Variants in YTHDC2 observed in about 807,000 individuals in gnomAD.
YTHDC2 encodes 3'-5' RNA helicase YTHDC2.
In YTHDC2, 45 loss-of-function variants were observed where a neutral mutation model predicts 174.9. That is an observed-to-expected ratio of 0.26 (90% CI 0.20 to 0.33). The LOEUF is 0.33. Ranked by LOEUF, YTHDC2 falls within the 10% of genes least tolerant of loss-of-function variation. YTHDC2 has a pLI of 1.00. For missense variants in YTHDC2, 1,650 were observed against 1,723.7 expected, an observed-to-expected ratio of 0.96 and a Z score of 0.76; for synonymous variants, 657 against 574.5, an observed-to-expected ratio of 1.14 and a Z score of -2.05.
intron 5 of YTHDC2, among the ~76,000 whole-genome samples, chr5:113,533,918 G>A (rs1182420230): frequency 2.6e-5 from 4 of 152,050 alleles, no homozygotes; most frequent in East Asian, 1.9e-4. Context: ...TTTCTGTCTC[G>A]AGCATTTTGG....
At chr5:113,564,428 G>C (rs1777202849) in intron 20 of YTHDC2, among the ~76,000 whole-genome samples, 1 of 152,026 alleles carries the variant, frequency 6.6e-6, no homozygotes. Context: ...TCTTGGGCAA[G>C]GAATGTTCTA....
intron 20 of YTHDC2, 59 bp from the exon 21 acceptor site, chr5:113,565,834 G>A: frequency 7.8e-6 from 12 of 1,543,544 alleles, no homozygotes; most frequent in Non-Finnish European, 1.0e-5. Context: ...GTTACTTGTT[G>A]CCTCACTAAG....
chr5:113,544,090 G>T (rs559618468), intron 10 of YTHDC2, among the ~76,000 whole-genome samples: 2 of 152,014 alleles, frequency 1.3e-5, no homozygotes, highest in Non-Finnish European at 2.9e-5. Context: ...ACTTATCTCT[G>T]TGTCACCAGA....
rs573627075 is a variant in YTHDC2, at chr5:113,591,980, C to T, written c.4030-16C>T. The T allele has an allele frequency of 1.9e-6, 3 of 1,585,466 alleles. No homozygotes were observed. The highest frequency in any genetic ancestry group is 2.6e-6 in the Non-Finnish European group (3 of 1,164,824). ...CTCCTCCTCACCTCTATTCCTTCCTCCCATTTTACCTACAGGGATTTTCTA... is the reference window on the plus strand; with the variant it reads ...CTCCTCCTCACCTCTATTCCTTCCTTCCATTTTACCTACAGGGATTTTCTA... On this transcript the variant is annotated splice_polypyrimidine_tract_variant and intron_variant, in intron 27 of 29. Transcript: ENST00000161863.
intron 21 of YTHDC2, among the ~76,000 whole-genome samples, chr5:113,566,279 A>G (rs1329008963): frequency 6.6e-6 from 1 of 152,138 alleles, no homozygotes; most frequent in Non-Finnish European, 1.5e-5. Flanking sequence ...GCAATGAACA[A>G]TTTGTATTGG....
intron 2 of YTHDC2, among the ~76,000 whole-genome samples, chr5:113,516,202 G>A (rs7713846): frequency 0.32 from 48,264 of 152,038 alleles, 9,458 homozygotes; most frequent in African/African-American, 0.54. Context: ...ACAAAAGATA[G>A]TTGCAATTAT....
At chr5:113,577,693 TTCCA>T (rs1432903896) in intron 23 of YTHDC2, among the ~76,000 whole-genome samples, 7 of 152,192 alleles carry the variant, frequency 4.6e-5, no homozygotes, top group Non-Finnish European at 1.0e-4. Flanking sequence ...AATTTAATGT[TTCCA>T]TCCAGGAAAT....
At chr5:113,578,163 G>A (rs1359084669) in intron 23 of YTHDC2, among the ~76,000 whole-genome samples, 1 of 151,876 alleles carries the variant, frequency 6.6e-6, no homozygotes, top group Non-Finnish European at 1.5e-5. Flanking sequence ...TAACGGAATA[G>A]TGTTTGTGTG....
chr5:113,542,321 AT>A (rs751643602), intron 9 of YTHDC2, 46 bp from the exon 10 acceptor site: 1 of 1,590,068 alleles, frequency 6.3e-7, no homozygotes, highest in African/African-American at 1.4e-5. Flanking sequence ...TTGCAAGCAA[AT>A]GTTAGGTAAT....
At chr5:113,520,285 T>C (rs1773775773) in intron 2 of YTHDC2, among the ~76,000 whole-genome samples, 1 of 151,784 alleles carries the variant, frequency 6.6e-6, no homozygotes, top group African/African-American at 2.4e-5. Flanking sequence ...CTTCAGTTTT[T>C]CCTGGAGAAT....
intron 3 of YTHDC2, 84 bp from the exon 4 acceptor site, chr5:113,526,502 G>T: frequency 8.7e-7 from 1 of 1,153,010 alleles, no homozygotes; most frequent in Non-Finnish European, 1.2e-6. Context: ...GTTTTTCTAG[G>T]TTTGGCAAAA....
intron 9 of YTHDC2, 70 bp downstream of exon 9, chr5:113,541,186 C>A: frequency 4.0e-6 from 6 of 1,483,038 alleles, no homozygotes; most frequent in Non-Finnish European, 4.6e-6. Flanking sequence ...ATTTTATGAG[C>A]TTATAATTTT....
chr5:113,563,261 T>C, intron 18 of YTHDC2, 112 bp from the exon 19 acceptor site: 1 of 860,562 alleles, frequency 1.2e-6, no homozygotes, highest in Non-Finnish European at 1.7e-6. Context: ...TTCATTCTAA[T>C]CAGAGACTCT....
At chr5:113,535,199 T>A (rs1442104816) in intron 6 of YTHDC2, among the ~76,000 whole-genome samples, 1 of 152,176 alleles carries the variant, frequency 6.6e-6, no homozygotes, top group Non-Finnish European at 1.5e-5. Context: ...GTGTGTCTGT[T>A]GAACATGTAC....
intron 23 of YTHDC2, among the ~76,000 whole-genome samples, chr5:113,578,985 A>G (rs763365884): frequency 1.3e-5 from 2 of 151,892 alleles, no homozygotes; most frequent in Non-Finnish European, 2.9e-5. Context: ...TTATAATCTC[A>G]TTTTCACCTA....
At chr5:113,535,842 A>G (rs778213440) in intron 7 of YTHDC2, 44 bp downstream of exon 7, 8 of 1,459,296 alleles carry the variant, frequency 5.5e-6, no homozygotes, top group Non-Finnish European at 6.5e-6. Context: ...TTATGAAAGA[A>G]CACTTTTGGA....
At chr5:113,570,070 C>G (rs1331381756) in intron 23 of YTHDC2, among the ~76,000 whole-genome samples, 1 of 151,844 alleles carries the variant, frequency 6.6e-6, no homozygotes, top group Middle Eastern at 3.2e-3. Flanking sequence ...TAGCTGTATT[C>G]CTAGGTATTT....
chr5:113,552,917 G>A (rs1776343800), intron 12 of YTHDC2, among the ~76,000 whole-genome samples: 1 of 152,040 alleles, frequency 6.6e-6, no homozygotes, highest in Non-Finnish European at 1.5e-5. Flanking sequence ...AGCTAATGAT[G>A]TTGAACATCT....
chr5:113,526,823 AAAAATAT>A lies in YTHDC2; in HGVS notation c.675+40_675+46del, dbSNP rs770289963. On this transcript the variant is annotated intron_variant, in intron 4 of 29. Transcript: ENST00000161863. ...TTTGTTGTTTATAGAAAAAAAAAAA[AAAAATAT>A]ATATATATATATATATATAGTCCCA... 481 of 326,322 alleles carry A rather than the reference AAAAATAT, an allele frequency of 1.5e-3. 2 individuals carry two copies. The highest frequency in any genetic ancestry group is 0.012 in the African/African-American group (439 of 37,272). 20.2% of individuals were successfully genotyped at this position (326,322 alleles called of 1,614,324 possible).
Sources: gnomAD v4.1 joint callset for allele counts (sites outside exome capture counted in the v4.1 genomes callset) on GRCh38, gnomAD v4.1.1 for gene constraint, MANE v1.5 for transcripts, NCBI Gene and HGNC (gene_info 2026-07-23, HGNC 2026-07-21) for gene names.